Variants in NAALADL2 observed in about 807,000 individuals in gnomAD.
NAALADL2 encodes inactive N-acetylated-alpha-linked acidic dipeptidase-like protein 2.
Under a neutral mutation model 87.2 loss-of-function variants are expected in NAALADL2, and 76 were observed. That is an observed-to-expected ratio of 0.87 (90% CI 0.72 to 1.05). The LOEUF (loss-of-function observed/expected upper bound fraction) is 1.05. Among genes scored for constraint, NAALADL2 ranks in the 50% least tolerant of loss-of-function variants. NAALADL2 has a pLI of 0.00. For missense variants in NAALADL2, 1,089 were observed against 945.8 expected, an observed-to-expected ratio of 1.15 and a Z score of -1.99; for synonymous variants, 354 against 331.0, an observed-to-expected ratio of 1.07 and a Z score of -0.75.
intron 5 of NAALADL2, among the ~76,000 whole-genome samples, chr3:175,393,374 A>G (rs1769331853): frequency 6.7e-6 from 1 of 150,244 alleles, no homozygotes; most frequent in South Asian, 2.1e-4. Context: ...TTATTAATAT[A>G]ATAGTTAATA....
intron 5 of NAALADL2, among the ~76,000 whole-genome samples, chr3:175,351,523 G>A (rs1443529476): frequency 6.6e-6 from 1 of 151,870 alleles, no homozygotes; most frequent in African/African-American, 2.4e-5. Flanking sequence ...GAATAAATCA[G>A]TAGTTTTATC....
chr3:175,738,430 A>G (rs1000374964), intron 12 of NAALADL2, among the ~76,000 whole-genome samples: 3 of 152,108 alleles, frequency 2.0e-5, no homozygotes, highest in Admixed American at 6.5e-5. Flanking sequence ...GTATTTCAGT[A>G]GAGATGGGGT....
intron 7 of NAALADL2, among the ~76,000 whole-genome samples, chr3:175,463,702 G>GGGAGAT (rs1723520436): frequency 4.8e-5 from 1 of 20,910 alleles, no homozygotes; most frequent in South Asian, 1.9e-3. Flanking sequence ...TTAGTCGGGG[G>GGGAGAT]AGAGAGAGAG....
At chr3:175,047,393 T>A (rs991837515) in intron 1 of NAALADL2, among the ~76,000 whole-genome samples, 21 of 152,280 alleles carry the variant, frequency 1.4e-4, no homozygotes, top group Middle Eastern at 6.8e-3. Context: ...GTAATTTTTT[T>A]TAAATTTCTT....
At chr3:175,182,240 T>C (rs547786264) in intron 2 of NAALADL2, among the ~76,000 whole-genome samples, 35 of 152,252 alleles carry the variant, frequency 2.3e-4, no homozygotes, top group African/African-American at 7.7e-4. Flanking sequence ...TTTTAAGTTA[T>C]GCTATTTGTT....
At chr3:174,882,814 T>TAC (rs1729556628) in intron 1 of NAALADL2, among the ~76,000 whole-genome samples, 3 of 134,608 alleles carry the variant, frequency 2.2e-5, no homozygotes, top group African/African-American at 1.1e-4. Context: ...TATATGTGCA[T>TAC]ATGTGTATAT....
At chr3:174,721,718 G>A (rs910812724) in intron 2 of NAALADL2, among the ~76,000 whole-genome samples, 2 of 152,144 alleles carry the variant, frequency 1.3e-5, no homozygotes, top group African/African-American at 4.8e-5. Flanking sequence ...TTTACTCACA[G>A]GAAAAGCAGA....
chr3:175,719,145 G>A (rs1453889543), intron 11 of NAALADL2, among the ~76,000 whole-genome samples: 1 of 151,912 alleles, frequency 6.6e-6, no homozygotes, highest in Non-Finnish European at 1.5e-5. Context: ...GTCAAGCAGG[G>A]GTGATTTTGC....
rs567317164 is a variant in NAALADL2, at chr3:175,288,078, A to T, written c.939+31548A>T. Among the ~76,000 whole-genome samples, 4 of 152,224 alleles carry T rather than the reference A, an allele frequency of 2.6e-5. No homozygotes were observed. In the South Asian group the frequency reaches 6.2e-4, roughly 24 times the overall value. ...AATTCGTCAGGATTCAGACATGTCT[A>T]CATGTTTTTTTGTTTTTCTTGAGAC... On this transcript the variant is annotated intron_variant, in intron 4 of 13. Transcript: ENST00000454872.
chr3:175,465,139 C>T (rs1723781525), intron 7 of NAALADL2, among the ~76,000 whole-genome samples: 1 of 151,596 alleles, frequency 6.6e-6, no homozygotes, highest in Non-Finnish European at 1.5e-5. Context: ...GTAGTCCCAG[C>T]TACTGGGGAG....
chr3:174,985,446 A>C (rs959603101), intron 1 of NAALADL2, among the ~76,000 whole-genome samples: 2 of 152,180 alleles, frequency 1.3e-5, no homozygotes, highest in African/African-American at 4.8e-5. Context: ...CTTTTGAGGT[A>C]GATGTGAACT....
At chr3:175,181,295 A>G (rs1363592015) in intron 2 of NAALADL2, among the ~76,000 whole-genome samples, 1 of 152,008 alleles carries the variant, frequency 6.6e-6, no homozygotes, top group Non-Finnish European at 1.5e-5. Flanking sequence ...ATATTGACAA[A>G]TCATAGTCAT....
intron 1 of NAALADL2, among the ~76,000 whole-genome samples, chr3:174,968,654 A>G (rs1425061437): frequency 2.6e-5 from 4 of 151,874 alleles, no homozygotes; most frequent in Non-Finnish European, 4.4e-5. Flanking sequence ...TAATTTTTGT[A>G]TTTTTATTAG....
rs1280479463 is a variant in NAALADL2 at position 174,970,846 on chromosome 3, G to A, written c.43+111396G>A. On this transcript the variant is annotated intron_variant, in intron 1 of 13. Coordinates refer to ENST00000454872, the MANE Select transcript of NAALADL2 (RefSeq NM_207015.3). ...TCAATCAATAAGCATTTATGGAGTA[G>A]TCACTCAGGCAATTTGAAATTATAC... Among the ~76,000 whole-genome samples, 4 of 152,132 alleles carry A rather than the reference G, an allele frequency of 2.6e-5. No homozygotes were observed. The East Asian group carries it at 7.7e-4, about 29-fold the overall frequency.
chr3:175,403,248 TA>T (rs1422535857), intron 5 of NAALADL2, among the ~76,000 whole-genome samples: 1 of 152,132 alleles, frequency 6.6e-6, no homozygotes, highest in Admixed American at 6.6e-5. Flanking sequence ...GTCTGAACTT[TA>T]TTAGACCTTT....
intron 2 of NAALADL2, among the ~76,000 whole-genome samples, chr3:174,689,483 C>T (rs375925786): frequency 3.3e-5 from 5 of 151,692 alleles, no homozygotes; most frequent in East Asian, 1.9e-4. Flanking sequence ...CATTCAACCT[C>T]GGAATCCCTT....
At chr3:174,951,781 A>G (rs1740400919) in intron 1 of NAALADL2, among the ~76,000 whole-genome samples, 1 of 151,996 alleles carries the variant, frequency 6.6e-6, no homozygotes, top group African/African-American at 2.4e-5. Context: ...GTTAAATGTT[A>G]TTTTTCTATT....
Position 174,745,880 on chromosome 3 carries a change from C to G in NAALADL2, c.-9+8134C>G, listed in dbSNP as rs138208266. Among the ~76,000 whole-genome samples the G allele has an allele frequency of 5.3e-5, 8 of 152,192 alleles. No homozygotes were observed. The East Asian group carries it at 1.5e-3, about 29-fold the overall frequency. On this transcript the variant is annotated intron_variant, in intron 3 of 3. Coordinates refer to the NAALADL2 transcript ENST00000434257. Reference sequence around the variant, plus strand: ...AAAGGCCTTCAATAAAATTCAACCTCCCTTCATGTTAAAAACTCTCAATAA... The same window carrying G: ...AAAGGCCTTCAATAAAATTCAACCTGCCTTCATGTTAAAAACTCTCAATAA...
At chr3:175,170,052 A>G (rs1051464159) in intron 2 of NAALADL2, among the ~76,000 whole-genome samples, 5 of 151,814 alleles carry the variant, frequency 3.3e-5, no homozygotes, top group African/African-American at 9.7e-5. Context: ...TTTTAACTCC[A>G]TTTAGATTTC....
Sources: gnomAD v4.1 joint callset for allele counts (sites outside exome capture counted in the v4.1 genomes callset) on GRCh38, gnomAD v4.1.1 for gene constraint, MANE v1.5 for transcripts, NCBI Gene and HGNC (gene_info 2026-07-23, HGNC 2026-07-21) for gene names.